Variants in NIBAN2 observed in about 807,000 individuals in gnomAD.
NIBAN2 encodes niban apoptosis regulator 2.
In NIBAN2, 36 loss-of-function variants were observed where a neutral mutation model predicts 81.8. That is an observed-to-expected ratio of 0.44 (90% CI 0.34 to 0.58). NIBAN2 has a LOEUF of 0.58. Among genes scored for constraint, NIBAN2 ranks in the 20% least tolerant of loss-of-function variants. NIBAN2 has a pLI of 0.02. For missense variants in NIBAN2, 897 were observed against 1,014.1 expected (o/e 0.88, Z 1.57); for synonymous variants, 445 against 441.6 (o/e 1.01, Z -0.10).
At chr9:127,540,396 C>T (rs979507829) in intron 1 of NIBAN2, among the ~76,000 whole-genome samples, 7 of 152,084 alleles carry the variant, frequency 4.6e-5, no homozygotes, top group African/African-American at 1.4e-4. Flanking sequence ...AGAAAATGGA[C>T]CTAAAAAGGC....
chr9:127,507,796 G>T lies in NIBAN2; in HGVS notation c.1654+71C>A. 7.1e-7 allele frequency: 1 copy of T among 1,403,754 alleles called. No individual in the cohort carries two copies. Among genetic ancestry groups the T allele is most frequent in the South Asian group, 1.2e-5 (1 of 85,432 alleles). 87.0% of individuals were successfully genotyped at this position (1,403,754 alleles called of 1,614,324 possible). On this transcript the variant is annotated intron_variant, in intron 13 of 13. Transcript: ENST00000373312. The surrounding 1 kb of genome is among the most constrained non-coding windows in gnomAD (Gnocchi z 6.8). ...CTTTGAGCCTTAGCTGACCCCCTCA[G>T]CTGCCACCACTTCTCAGCTGCGCCC... is the stretch of plus-strand genomic sequence containing the variant.
In NIBAN2 at chr9:127,517,796, A is replaced by T. The variant is rs747778875; in HGVS notation, c.705+30T>A. ...CTGCTGGGTCCTTGGGTGACTTCTG[A>T]GGTTTCCTCACCAGCCCGTCTGGCC... On this transcript the variant is annotated intron_variant, in intron 6 of 13. Coordinates refer to ENST00000373312, the MANE Select transcript of NIBAN2 (RefSeq NM_022833.4). This position sits in a 1 kb window ranked among gnomAD's most constrained non-coding sequence, Gnocchi z 4.0. The T allele has an allele frequency of 3.9e-6, 6 of 1,544,668 alleles. No homozygotes were observed. The African/African-American group carries it at 8.2e-5, about 21-fold the overall frequency.
Position 127,517,840 on chromosome 9 carries a change from C to G in NIBAN2, c.691G>C (p.Gly231Arg). Residue 231 changes from glycine to arginine, a missense_variant, in exon 6 of 14, where the codon GGG becomes CGG. Physicochemically the swap from Gly to Arg is moderately radical, Grantham distance 125 (BLOSUM62 -2). Coordinates refer to ENST00000373312, the MANE Select transcript of NIBAN2 (RefSeq NM_022833.4). This position sits in a 1 kb window ranked among gnomAD's most constrained non-coding sequence, Gnocchi z 4.0. Reference sequence around the variant, plus strand: ...TCTGGCCTCACCTGCACCTCGTTCCCACACAGCATCTCCCAGGTGCCGTAC... The same window carrying G: ...TCTGGCCTCACCTGCACCTCGTTCCGACACAGCATCTCCCAGGTGCCGTAC... ...ELYGTWEMLC[G>R]NEVQILSNLV... 1 of 1,613,612 alleles carries G rather than the reference C, an allele frequency of 6.2e-7. No homozygotes were observed. The highest frequency in any genetic ancestry group is 8.5e-7 in the Non-Finnish European group (1 of 1,179,768).
chr9:127,534,242 C>T (rs1425949512), intron 1 of NIBAN2, among the ~76,000 whole-genome samples: 1 of 152,258 alleles, frequency 6.6e-6, no homozygotes, highest in Non-Finnish European at 1.5e-5. Context: ...AAGACCTGGT[C>T]CTTTCTCAAA....
upstream of NIBAN2, among the ~76,000 whole-genome samples, chr9:127,572,842 T>TA (rs1837963857): frequency 6.6e-6 from 1 of 152,042 alleles, no homozygotes; most frequent in Non-Finnish European, 1.5e-5. Flanking sequence ...GCCAGGAGTT[T>TA]GAGACGAGCA....
intron 1 of NIBAN2, among the ~76,000 whole-genome samples, chr9:127,547,702 T>C (rs1225399746): frequency 6.6e-6 from 1 of 151,568 alleles, no homozygotes; most frequent in Admixed American, 6.6e-5. Context: ...CCAGGTGTGG[T>C]GGCGCATGCC....
intron 2 of NIBAN2, among the ~76,000 whole-genome samples, chr9:127,530,658 G>A (rs1837161475): frequency 6.6e-6 from 1 of 152,238 alleles, no homozygotes; most frequent in Admixed American, 6.5e-5. Context: ...TGGAGCCAGT[G>A]ACAGTGCCTT....
At chr9:127,568,249 C>G (rs1001109330) in intron 1 of NIBAN2, among the ~76,000 whole-genome samples, 6 of 152,304 alleles carry the variant, frequency 3.9e-5, no homozygotes, top group African/African-American at 1.2e-4. Context: ...CGCCAAAGGA[C>G]ATGCAACCCC....
chr9:127,554,888 T>C (rs2132226699), intron 1 of NIBAN2, among the ~76,000 whole-genome samples: 1 of 152,110 alleles, frequency 6.6e-6, no homozygotes, highest in Admixed American at 6.5e-5. Flanking sequence ...CCTGAACCAC[T>C]GCACCCACCC....
chr9:127,508,632 C>CA lies in NIBAN2; in HGVS notation c.1318-95dup. 9.5e-7 allele frequency: 1 copy of CA among 1,056,212 alleles called. No homozygotes were observed. Among genetic ancestry groups the CA allele is most frequent in the Non-Finnish European group, 1.5e-6 (1 of 687,440 alleles). 65.4% of individuals were successfully genotyped at this position (1,056,212 alleles called of 1,614,324 possible). ...GGGTCCTCATCCTCAACCAGCCCCC[C>CA]ACCCCGAGGCCTGCCAGGGAGGAAT... is the stretch of plus-strand genomic sequence containing the variant. On this transcript the variant is annotated intron_variant, in intron 10 of 13. Transcript: ENST00000373312. The surrounding 1 kb of genome is among the most constrained non-coding windows in gnomAD (Gnocchi z 6.4).
chr9:127,553,510 A>G (rs900418298), intron 1 of NIBAN2, among the ~76,000 whole-genome samples: 14 of 152,212 alleles, frequency 9.2e-5, no homozygotes, highest in African/African-American at 2.9e-4. Flanking sequence ...AGCTCACAAC[A>G]ACCCTCTTGA....
chr9:127,557,746 G>T (rs1176326818), intron 1 of NIBAN2, among the ~76,000 whole-genome samples: 1 of 152,258 alleles, frequency 6.6e-6, no homozygotes, highest in Non-Finnish European at 1.5e-5. Context: ...TCCAAGAGGG[G>T]CCCCTGCCTC....
At chr9:127,558,841 A>G (rs755729485) in intron 1 of NIBAN2, among the ~76,000 whole-genome samples, 3 of 152,162 alleles carry the variant, frequency 2.0e-5, no homozygotes, top group Non-Finnish European at 4.4e-5. Flanking sequence ...CTAAGAATTC[A>G]GCTAAAACGC....
At chr9:127,535,173 C>T (rs1158590077) in intron 1 of NIBAN2, among the ~76,000 whole-genome samples, 3 of 152,362 alleles carry the variant, frequency 2.0e-5, no homozygotes, top group Admixed American at 6.5e-5. Context: ...ACCCAGCCCA[C>T]AGACAGATCC....
At chr9:127,522,454 T>A (rs924553790) in intron 5 of NIBAN2, among the ~76,000 whole-genome samples, 2 of 152,048 alleles carry the variant, frequency 1.3e-5, no homozygotes, top group Non-Finnish European at 2.9e-5. Flanking sequence ...CAGGACTGGG[T>A]TGTTCCTTCC....
Position 127,568,945 on chromosome 9 carries a change from C to A in NIBAN2, c.-71G>T. 1.7e-6 allele frequency: 2 copies of A among 1,188,164 alleles called. No individual in the cohort carries two copies. Among genetic ancestry groups the A allele is most frequent in the Non-Finnish European group, 2.1e-6 (2 of 960,980 alleles). 73.6% of individuals were successfully genotyped at this position (1,188,164 alleles called of 1,614,324 possible). On this transcript the variant is annotated 5_prime_UTR_variant, in exon 1 of 14. Transcript: ENST00000373312. ...GCCCGCGCTGCTCAGGCGGACGCCGCTGGCGCCATGGAGCCCGGCCCGCCC... is the reference window on the plus strand; with the variant it reads ...GCCCGCGCTGCTCAGGCGGACGCCGATGGCGCCATGGAGCCCGGCCCGCCC...
chr9:127,578,805 T>C, intron 1 of NIBAN2: 1 of 965,208 alleles, frequency 1.0e-6, no homozygotes, highest in Non-Finnish European at 1.6e-6. Context: ...TGCATTGAGC[T>C]ATGATCATTC....
intron 1 of NIBAN2, among the ~76,000 whole-genome samples, chr9:127,547,411 G>A (rs1365826496): frequency 6.6e-6 from 1 of 152,190 alleles, no homozygotes; most frequent in Non-Finnish European, 1.5e-5. Flanking sequence ...CAACTGCTCG[G>A]AAGGTTGAGG....
At chr9:127,553,479 C>T (rs1016954332) in intron 1 of NIBAN2, among the ~76,000 whole-genome samples, 5 of 152,192 alleles carry the variant, frequency 3.3e-5, no homozygotes, top group Non-Finnish European at 7.4e-5. Context: ...GTGCCAGGTA[C>T]CAGGGGTGGC....
Sources: allele counts gnomAD v4.1 joint callset (sites outside exome capture counted in the v4.1 genomes callset), GRCh38; gene constraint gnomAD v4.1.1; non-coding constraint Gnocchi (gnomAD v3.1); transcripts MANE v1.5; gene names NCBI Gene and HGNC (gene_info 2026-07-23, HGNC 2026-07-21).